Variants in SBF2 observed in about 807,000 individuals in gnomAD.
The protein encoded by SBF2 is myotubularin-related protein 13.
Under a neutral mutation model 225.2 loss-of-function variants are expected in SBF2, and 112 were observed. The ratio of observed to expected loss-of-function variants is 0.50; its 90% CI spans 0.43 to 0.58. The LOEUF (loss-of-function observed/expected upper bound fraction) is 0.58, where lower values mean the gene tolerates loss of function less well. Ranked by LOEUF, SBF2 falls within the 20% of genes least tolerant of loss-of-function variation. SBF2 has a pLI of 0.00. For synonymous variants in SBF2, 763 were observed against 773.3 expected (o/e 0.99, Z 0.22); for missense variants, 1,996 against 2,206.2 (o/e 0.90, Z 1.91).
At chr11:10,009,340 T>C (rs531486696) in intron 6 of SBF2, among the ~76,000 whole-genome samples, 3 of 152,178 alleles carry the variant, frequency 2.0e-5, no homozygotes, top group Non-Finnish European at 4.4e-5. Context: ...ACCTGTGCCA[T>C]GGTGGTTTGC....
intron 2 of SBF2, among the ~76,000 whole-genome samples, chr11:10,076,110 G>A (rs1951090362): frequency 1.3e-5 from 2 of 152,350 alleles, no homozygotes; most frequent in African/African-American, 4.8e-5. Context: ...GTGGAAAACT[G>A]TGAGTGAATC....
chr11:9,817,653 C>G (rs910686606), intron 28 of SBF2, among the ~76,000 whole-genome samples: 1 of 148,988 alleles, frequency 6.7e-6, no homozygotes, highest in African/African-American at 2.5e-5. Flanking sequence ...GCCTGTAATA[C>G]TAGCACTTTG....
intron 6 of SBF2, among the ~76,000 whole-genome samples, chr11:10,027,025 A>G (rs1949080330): frequency 6.6e-6 from 1 of 152,196 alleles, no homozygotes; most frequent in South Asian, 2.1e-4. Context: ...AAATATGTAC[A>G]CATTGCAGAT....
chr11:9,878,936 C>T (rs1725676069), intron 17 of SBF2, among the ~76,000 whole-genome samples: 2 of 152,186 alleles, frequency 1.3e-5, no homozygotes, highest in African/African-American at 4.8e-5. Context: ...CCCTCTTTAT[C>T]TTTACGTCTC....
At chr11:9,900,287 CCTT>C (rs1310022957) in intron 16 of SBF2, among the ~76,000 whole-genome samples, 1 of 152,016 alleles carries the variant, frequency 6.6e-6, no homozygotes, top group Non-Finnish European at 1.5e-5. Flanking sequence ...CAATTCTTTG[CCTT>C]CTACTTTTAA....
intron 14 of SBF2, among the ~76,000 whole-genome samples, chr11:9,966,977 C>A (rs2134380338): frequency 6.6e-6 from 1 of 152,258 alleles, no homozygotes; most frequent in East Asian, 1.9e-4. Context: ...CAGCATTATT[C>A]ATAATAGCCA....
Position 9,990,736 on chromosome 11 carries a change from T to C in SBF2, c.1297-1141A>G, listed in dbSNP as rs1947394959. On this transcript the variant is annotated intron_variant, in intron 12 of 39. Transcript: ENST00000256190. Reference sequence around the variant, plus strand: ...ATCATTGTTTCCAATCTAGACTATATTTGTACAAACAATAAATAAATAAAA... The same window carrying C: ...ATCATTGTTTCCAATCTAGACTATACTTGTACAAACAATAAATAAATAAAA... Among the ~76,000 whole-genome samples the C allele has an allele frequency of 1.3e-5, 2 of 152,168 alleles. 1 individual carries two copies. The highest frequency in any genetic ancestry group is 4.8e-5 in the African/African-American group (2 of 41,444).
chr11:10,293,966 C>CGGCCGGGGGGCGGGGA (rs1286859480), intron 1 of SBF2, 49 bp downstream of exon 1: 6 of 1,243,668 alleles, frequency 4.8e-6, no homozygotes, highest in Non-Finnish European at 6.1e-6. Flanking sequence ...CACTGGACAG[C>CGGCCGGGGGGCGGGGA]GGCCGGGGGG....
At chr11:9,968,290 C>G in intron 14 of SBF2, 51 bp downstream of exon 14, 1 of 1,543,946 alleles carries the variant, frequency 6.5e-7, no homozygotes, top group Non-Finnish European at 8.9e-7. Flanking sequence ...CTTTTTGGGT[C>G]TTACATCCTT....
chr11:10,267,081 G>C (rs560428317), intron 1 of SBF2, among the ~76,000 whole-genome samples: 5 of 152,190 alleles, frequency 3.3e-5, no homozygotes, highest in Admixed American at 3.3e-4. Flanking sequence ...GTGACAGTGA[G>C]ACTCCATCTC....
intron 2 of SBF2, among the ~76,000 whole-genome samples, chr11:10,067,789 G>A (rs965367610): frequency 2.0e-5 from 3 of 152,080 alleles, no homozygotes; most frequent in African/African-American, 7.2e-5. Context: ...CAGCTCGAGA[G>A]GCTGAGGTGG....
upstream of SBF2, among the ~76,000 whole-genome samples, chr11:10,295,259 A>G (rs1964460120): frequency 6.6e-6 from 1 of 152,228 alleles, no homozygotes; most frequent in South Asian, 2.1e-4. Context: ...CAAAGCGTCT[A>G]GTATATAGTA....
chr11:9,857,139 T>C (rs948449624), intron 18 of SBF2, among the ~76,000 whole-genome samples: 15 of 152,142 alleles, frequency 9.9e-5, no homozygotes, highest in African/African-American at 3.1e-4. Context: ...TCAGCAAAAA[T>C]GAAAACATAA....
intron 19 of SBF2, among the ~76,000 whole-genome samples, chr11:9,854,686 C>T (rs1564918978): frequency 6.6e-6 from 1 of 152,122 alleles, no homozygotes; most frequent in Non-Finnish European, 1.5e-5. Flanking sequence ...AGAAATCCTC[C>T]TGCAGCAGTG....
At chr11:10,298,887 C>T (rs924993366), upstream of SBF2, among the ~76,000 whole-genome samples, 1 of 152,166 alleles carries the variant, frequency 6.6e-6, no homozygotes. Context: ...ACTGTTTTCC[C>T]AGCTTCACCG....
chr11:10,037,350 A>T (rs1949478739), intron 3 of SBF2, among the ~76,000 whole-genome samples: 1 of 152,140 alleles, frequency 6.6e-6, no homozygotes, highest in Admixed American at 6.5e-5. Flanking sequence ...AGACTCTAAC[A>T]AAGTCTAGTC....
At chr11:10,233,424 G>A (rs1264502524) in intron 1 of SBF2, among the ~76,000 whole-genome samples, 8 of 150,698 alleles carry the variant, frequency 5.3e-5, no homozygotes, top group Admixed American at 2.6e-4. Context: ...TTGTACTGCC[G>A]GGTGCTCCTA....
chr11:10,071,596 A>C (rs561076594), intron 2 of SBF2, among the ~76,000 whole-genome samples: 34 of 152,214 alleles, frequency 2.2e-4, no homozygotes, highest in Admixed American at 1.3e-3. Flanking sequence ...GAATGCTTCC[A>C]GTTTTTGCCC....
At chr11:10,198,652 C>T (rs1957465095) in intron 1 of SBF2, among the ~76,000 whole-genome samples, 2 of 152,330 alleles carry the variant, frequency 1.3e-5, no homozygotes, top group Middle Eastern at 3.4e-3. Flanking sequence ...TCCTAGATGG[C>T]ATCTTCTTCC....
Sources: gnomAD v4.1 joint callset for allele counts (sites outside exome capture counted in the v4.1 genomes callset) on GRCh38, gnomAD v4.1.1 for gene constraint, MANE v1.5 for transcripts, NCBI Gene and HGNC (gene_info 2026-07-23, HGNC 2026-07-21) for gene names.